The following CDH12 variants were observed in gnomAD, a reference collection of about 807,000 sequenced individuals.
CDH12 encodes cadherin 12.
CDH12 carries 41 observed loss-of-function variants against 74.1 expected under a neutral mutation model. That is an observed-to-expected ratio of 0.55 (90% CI 0.43 to 0.72). CDH12 has a LOEUF of 0.72. Ranked by LOEUF, CDH12 falls within the 30% of genes least tolerant of loss-of-function variation. CDH12 has a pLI of 0.00. For synonymous variants in CDH12, 399 were observed against 355.0 expected (o/e 1.12, Z -1.39); for missense variants, 945 against 977.2 (o/e 0.97, Z 0.44).
At chr5:22,666,398 T>C (rs1740624908) in intron 1 of CDH12, among the ~76,000 whole-genome samples, 1 of 148,768 alleles carries the variant, frequency 6.7e-6, no homozygotes, top group East Asian at 2.0e-4. Flanking sequence ...CACGCCATTC[T>C]CCTGCCTCAG....
In CDH12 at chr5:22,845,723, C is replaced by T. The variant is rs114232708; in HGVS notation, c.-523+7335G>A. The stretch of plus-strand genomic sequence containing the variant: ...GAAACAAAGGGGGATGCTGGGTGAG[C>T]GCCAAGGCCTTGTGGCAGTGTTGAA... On this transcript the variant is annotated intron_variant, in intron 1 of 14. Transcript: ENST00000382254. 5.9e-3 allele frequency among the ~76,000 whole-genome samples: 894 copies of T among 152,088 alleles called. 13 individuals are homozygous for T. The highest frequency in any genetic ancestry group is 0.02 in the African/African-American group (827 of 41,504).
chr5:22,194,869 C>A lies in CDH12; in HGVS notation c.-187+17629G>T, dbSNP rs1390514964. On this transcript the variant is annotated intron_variant, in intron 4 of 14. Transcript: ENST00000382254. ...CATCAGCAGTTGTGGTCTTGCCTGG[C>A]AGATGGCAGGAGGTCAGAGAGGGAA... 3.3e-5 allele frequency among the ~76,000 whole-genome samples: 5 copies of A among 152,170 alleles called. No individual in the cohort carries two copies. The East Asian group carries it at 9.7e-4, about 29-fold the overall frequency.
In CDH12 at chr5:21,857,006, GCTT is replaced by G. The variant is rs1750787493; in HGVS notation, c.527-2219_527-2217del. Among the ~76,000 whole-genome samples the G allele has an allele frequency of 2.6e-5, 4 of 151,846 alleles. 1 individual carries two copies. The South Asian group carries it at 8.3e-4, about 31-fold the overall frequency. ...AATGGAACTAAACACCACGATAGCA[GCTT>G]CTTTGTCAGCTGCTTGATGACTGTC... On this transcript the variant is annotated intron_variant, in intron 6 of 14. Coordinates refer to ENST00000382254, the MANE Select transcript of CDH12 (RefSeq NM_004061.5).
At chr5:22,111,163 G>T (rs905207363) in intron 4 of CDH12, among the ~76,000 whole-genome samples, 3 of 152,038 alleles carry the variant, frequency 2.0e-5, no homozygotes, top group Non-Finnish European at 4.4e-5. Context: ...TGGGTGGGTG[G>T]TGGTATTTAT....
intron 3 of CDH12, among the ~76,000 whole-genome samples, chr5:22,379,832 C>T (rs1053616220): frequency 6.6e-6 from 1 of 152,192 alleles, no homozygotes; most frequent in African/African-American, 2.4e-5. Context: ...CAGTTCACTG[C>T]AGCCTCAAAC....
chr5:21,972,921 A>C (rs181775151), intron 6 of CDH12, among the ~76,000 whole-genome samples: 2,022 of 151,804 alleles, frequency 0.013, 12 homozygotes, highest in African/African-American at 0.024. Context: ...AAAAAAAAGG[A>C]GCCAGGAGGG....
chr5:22,242,580 A>G (rs1477993635), intron 3 of CDH12, among the ~76,000 whole-genome samples: 2 of 152,238 alleles, frequency 1.3e-5, no homozygotes, highest in Non-Finnish European at 2.9e-5. Flanking sequence ...GTGGACCTCA[A>G]TTTTTGACTC....
intron 1 of CDH12, among the ~76,000 whole-genome samples, chr5:22,742,705 G>A (rs1435125189): frequency 2.0e-5 from 3 of 149,632 alleles, no homozygotes; most frequent in African/African-American, 4.9e-5. Flanking sequence ...AATTGAACAA[G>A]TACATTTATA....
chr5:21,759,855 G>A (rs563532433), intron 13 of CDH12, among the ~76,000 whole-genome samples: 1 of 151,916 alleles, frequency 6.6e-6, no homozygotes, highest in African/African-American at 2.4e-5. Flanking sequence ...CCCTCAAGTA[G>A]ACTCCAAGGC....
At chr5:22,293,009 AAT>A (rs1737463302) in intron 3 of CDH12, among the ~76,000 whole-genome samples, 1 of 51,672 alleles carries the variant, frequency 1.9e-5, no homozygotes. Flanking sequence ...ATCCATTCCC[AAT>A]CTGTAACCCA....
chr5:22,505,633 C>A (rs1736352967), intron 1 of CDH12, among the ~76,000 whole-genome samples: 2 of 151,996 alleles, frequency 1.3e-5, no homozygotes, highest in South Asian at 4.2e-4. Flanking sequence ...CCAAATGAAC[C>A]AATATTGATA....
intron 6 of CDH12, among the ~76,000 whole-genome samples, chr5:21,973,496 C>T (rs539360616): frequency 2.6e-5 from 4 of 152,292 alleles, no homozygotes; most frequent in Non-Finnish European, 2.9e-5. Context: ...TACACGAAGG[C>T]TCCAACTCTG....
chr5:21,849,242 C>T (rs1450243838), intron 7 of CDH12, among the ~76,000 whole-genome samples: 1 of 151,776 alleles, frequency 6.6e-6, no homozygotes, highest in Non-Finnish European at 1.5e-5. Flanking sequence ...CTACAACTTG[C>T]TAAAGGCATA....
intron 3 of CDH12, among the ~76,000 whole-genome samples, chr5:22,248,161 G>A (rs886899596): frequency 5.3e-5 from 8 of 152,082 alleles, no homozygotes; most frequent in African/African-American, 1.9e-4. Flanking sequence ...TTAGCTGGGC[G>A]TGGTAGTGCA....
intron 1 of CDH12, among the ~76,000 whole-genome samples, chr5:22,587,135 C>G (rs1740445100): frequency 6.6e-6 from 1 of 152,002 alleles, no homozygotes; most frequent in Admixed American, 6.5e-5. Flanking sequence ...TGCGCACAGC[C>G]TAGAAGTGGA....
intron 11 of CDH12, chr5:21,779,512 C>A (rs994537429): frequency 3.9e-5 from 6 of 152,136 alleles, no homozygotes; most frequent in African/African-American, 1.4e-4. Flanking sequence ...ATAAAAACAG[C>A]AAAGCAGTAA....
chr5:21,754,229 A>G (rs1744258888), intron 14 of CDH12, among the ~76,000 whole-genome samples: 1 of 152,054 alleles, frequency 6.6e-6, no homozygotes, highest in Non-Finnish European at 1.5e-5. Flanking sequence ...CCCTCTCTCC[A>G]TGGTCTTCCC....
chr5:21,815,389 G>C (rs538973622), intron 9 of CDH12, among the ~76,000 whole-genome samples: 3 of 152,028 alleles, frequency 2.0e-5, no homozygotes, highest in Non-Finnish European at 2.9e-5. Flanking sequence ...TTTGCTATTG[G>C]AAATTCCTAT....
intron 2 of CDH12, among the ~76,000 whole-genome samples, chr5:22,407,799 A>C (rs1335570635): frequency 6.6e-6 from 1 of 152,094 alleles, no homozygotes; most frequent in African/African-American, 2.4e-5. Context: ...CTTACACTCA[A>C]ACAATTACCT....
Sources: gnomAD v4.1 joint callset for allele counts (sites outside exome capture counted in the v4.1 genomes callset) on GRCh38, gnomAD v4.1.1 for gene constraint, MANE v1.5 for transcripts, NCBI Gene and HGNC (gene_info 2026-07-23, HGNC 2026-07-21) for gene names.